Variants in GRAP2 observed in about 807,000 individuals in gnomAD.
GRAP2 encodes GRB2-related adapter protein 2.
In GRAP2, 31 loss-of-function variants were observed where a neutral mutation model predicts 43.5. The ratio of observed to expected loss-of-function variants is 0.71; its 90% confidence interval spans 0.54 to 0.96. GRAP2 has a LOEUF of 0.96. Among genes scored for constraint, GRAP2 ranks in the 40% least tolerant of loss-of-function variants. The probability of loss-of-function intolerance (pLI) is 0.00; values close to 1 mark genes in which losing one functional copy is unlikely to be tolerated. For synonymous variants in GRAP2, 156 were observed against 164.8 expected, an observed-to-expected ratio of 0.95 and a Z score of 0.41; for missense variants, 371 against 424.4, an observed-to-expected ratio of 0.87 and a Z score of 1.11.
chr22:39,913,007 A>G (rs1444115671), intron 1 of GRAP2, among the ~76,000 whole-genome samples: 2 of 152,074 alleles, frequency 1.3e-5, no homozygotes, highest in African/African-American at 4.8e-5. Context: ...AGCCTGGCCA[A>G]CATGGTGAAA....
intron 1 of GRAP2, among the ~76,000 whole-genome samples, chr22:39,939,733 A>AC: frequency 6.6e-6 from 1 of 152,158 alleles, no homozygotes; most frequent in East Asian, 1.9e-4. Context: ...GCATGGCGAA[A>AC]CCCCATCTCT....
At chr22:39,953,903 G>C (rs182277205) in intron 2 of GRAP2, among the ~76,000 whole-genome samples, 1 of 152,062 alleles carries the variant, frequency 6.6e-6, no homozygotes, top group Non-Finnish European at 1.5e-5. Flanking sequence ...ATGAGCCATC[G>C]CACCCAGCCA....
At chr22:39,926,714 T>C (rs1487178068) in intron 1 of GRAP2, 3 of 985,280 alleles carry the variant, frequency 3.0e-6, no homozygotes, top group African/African-American at 1.7e-5. Context: ...TGGTTTTTTT[T>C]CCACTGGAAA....
the GRAP2 span, among the ~76,000 whole-genome samples, chr22:39,895,690 T>C: frequency 2.0e-5 from 3 of 152,232 alleles, no homozygotes; most frequent in Admixed American, 6.5e-5. Context: ...TTCTACATTA[T>C]TGAGCACCTG....
At chr22:39,952,833 T>C (rs1333726084) in intron 2 of GRAP2, among the ~76,000 whole-genome samples, 2 of 151,962 alleles carry the variant, frequency 1.3e-5, no homozygotes, top group Non-Finnish European at 2.9e-5. Flanking sequence ...TTGAAAAGAG[T>C]CTACACTTTC....
chr22:39,916,464 G>C (rs1401263558), intron 1 of GRAP2, among the ~76,000 whole-genome samples: 2 of 152,032 alleles, frequency 1.3e-5, no homozygotes, highest in African/African-American at 4.8e-5. Flanking sequence ...GTGATGAGTT[G>C]GTTATTATTA....
At chr22:39,894,681 C>T in the GRAP2 span, among the ~76,000 whole-genome samples, 3 of 152,136 alleles carry the variant, frequency 2.0e-5, no homozygotes, top group South Asian at 2.1e-4. Context: ...GTGCCACTGA[C>T]GGGTAATTGT....
intron 3 of GRAP2, among the ~76,000 whole-genome samples, chr22:39,957,358 C>T (rs551594114): frequency 2.0e-5 from 3 of 152,244 alleles, no homozygotes; most frequent in South Asian, 2.1e-4. Flanking sequence ...ACTCTTAGCC[C>T]GTGACCTTGA....
At chr22:39,941,951 G>A in intron 1 of GRAP2, among the ~76,000 whole-genome samples, 1 of 152,080 alleles carries the variant, frequency 6.6e-6, no homozygotes, top group East Asian at 1.9e-4. Context: ...AGTGTGCAGA[G>A]CTGGAGGGGA....
Position 39,968,148 on chromosome 22 carries a change from A to AC in GRAP2, c.572dup (p.Thr192AspfsTer47). On this transcript the variant is annotated frameshift_variant, in exon 6 of 8. Coordinates refer to ENST00000344138, the MANE Select transcript of GRAP2 (RefSeq NM_004810.4). LOFTEE classifies it high-confidence loss of function. ...TCGATGAACCGGAAGCTGTCGGATC[A>AC]CCCCCCGACCCTTCCCCTGCAGCAG... is the stretch of plus-strand genomic sequence containing the variant. 1 of 1,598,398 alleles carries AC rather than the reference A, an allele frequency of 6.3e-7. No individual in the cohort carries two copies. The highest frequency in any genetic ancestry group is 8.5e-7 in the Non-Finnish European group (1 of 1,173,152).
intron 1 of GRAP2, among the ~76,000 whole-genome samples, chr22:39,905,224 C>A (rs1449970825): frequency 6.6e-6 from 1 of 152,154 alleles, no homozygotes; most frequent in African/African-American, 2.4e-5. Context: ...CACCCGGTGA[C>A]TTTAGGTAAT....
intron 1 of GRAP2, among the ~76,000 whole-genome samples, chr22:39,935,174 TTC>T (rs370760329): frequency 8.9e-4 from 136 of 152,354 alleles, no homozygotes; most frequent in African/African-American, 3.1e-3. Context: ...GATTCTCATT[TTC>T]TGTTTCTTTT....
rs1185007530 is a variant in GRAP2, at chr22:39,972,732, G to A, written c.*1648G>A. ...CCTCATGTTTCCTTTAGAGGAAAGA[G>A]GAAAAAAGGAACTCTGTGGTGGGTA... On this transcript the variant is annotated 3_prime_UTR_variant, in exon 8 of 8. Coordinates refer to ENST00000344138, the MANE Select transcript of GRAP2 (RefSeq NM_004810.4). The A allele has an allele frequency of 6.6e-6, 1 of 152,310 alleles. No individual in the cohort carries two copies. The highest frequency in any genetic ancestry group is 2.4e-5 in the African/African-American group (1 of 41,420). The allele number at this position is 152,310 out of a possible 1,614,324, so 9.4% of individuals were successfully genotyped here.
intron 1 of GRAP2, among the ~76,000 whole-genome samples, chr22:39,911,192 C>G (rs1280615518): frequency 6.6e-6 from 1 of 152,148 alleles, no homozygotes; most frequent in Non-Finnish European, 1.5e-5. Context: ...CTTGATTATC[C>G]TGATCACTAC....
chr22:39,945,426 C>T (rs149006469), intron 1 of GRAP2, among the ~76,000 whole-genome samples: 3 of 152,308 alleles, frequency 2.0e-5, no homozygotes, highest in African/African-American at 4.8e-5. Flanking sequence ...GATCTCCTGG[C>T]GTTTCACCCT....
intron 5 of GRAP2, among the ~76,000 whole-genome samples, chr22:39,967,345 G>A (rs966522010): frequency 1.3e-5 from 2 of 152,178 alleles, no homozygotes; most frequent in African/African-American, 4.8e-5. Flanking sequence ...TCACTAGGAT[G>A]GGCATTCAGA....
intron 1 of GRAP2, among the ~76,000 whole-genome samples, chr22:39,928,613 T>C (rs1840973231): frequency 6.6e-6 from 1 of 152,248 alleles, no homozygotes; most frequent in South Asian, 2.1e-4. Context: ...GAGTCACCCA[T>C]CTGAATACTA....
At chr22:39,940,097 A>T (rs1047202046) in intron 1 of GRAP2, among the ~76,000 whole-genome samples, 1 of 152,136 alleles carries the variant, frequency 6.6e-6, no homozygotes, top group African/African-American at 2.4e-5. Flanking sequence ...AGAAAACCAG[A>T]AGCAAGACCC....
intron 6 of GRAP2, 39 bp from the exon 7 acceptor site, chr22:39,969,372 T>C (rs759346540): frequency 6.2e-7 from 1 of 1,611,738 alleles, no homozygotes; most frequent in East Asian, 2.2e-5. Flanking sequence ...GGAGATGTCC[T>C]GGCAGTGGGG....
Sources: allele counts gnomAD v4.1 joint callset (sites outside exome capture counted in the v4.1 genomes callset), GRCh38; gene constraint gnomAD v4.1.1; transcripts MANE v1.5; gene names NCBI Gene and HGNC (gene_info 2026-07-23, HGNC 2026-07-21).